The following P2RY10 variants were observed in gnomAD, a reference collection of about 807,000 sequenced individuals.
P2RY10 encodes putative P2Y purinoceptor 10.
P2RY10 carries 4 observed loss-of-function variants against 12.1 expected under a neutral mutation model. The observed-to-expected ratio is 0.33, with a 90% CI of 0.16 to 0.76. The LOEUF (loss-of-function observed/expected upper bound fraction) is 0.76. Ranked by LOEUF, P2RY10 falls within the 30% of genes least tolerant of loss-of-function variation. The pLI, the probability that P2RY10 is intolerant of heterozygous loss-of-function variation, is 0.61. For synonymous variants in P2RY10, 112 were observed against 94.1 expected (o/e 1.19, Z -1.10); for missense variants, 233 against 264.6 (o/e 0.88, Z 0.83).
At chrX:78,959,768 C>T (rs1264310507) in intron 3 of P2RY10, among the ~76,000 whole-genome samples, 1 of 111,671 alleles carries the variant, frequency 9.0e-6, no homozygotes, top group East Asian at 2.8e-4. Context: ...CAGGATTCTA[C>T]TTAGAGGTAG....
chrX:78,946,155 G>A (rs922534829), intron 1 of P2RY10, among the ~76,000 whole-genome samples: 5 of 111,492 alleles, frequency 4.5e-5, no homozygotes, highest in Non-Finnish European at 9.4e-5. Context: ...TCCTACAGCA[G>A]TTTGCATCTC....
intron 2 of P2RY10, among the ~76,000 whole-genome samples, chrX:78,948,513 C>T (rs1921952274): frequency 1.8e-5 from 2 of 111,160 alleles, no homozygotes; most frequent in Non-Finnish European, 3.8e-5. Flanking sequence ...TTTTCTGTTG[C>T]ATGGGTAAAT....
Position 78,962,945 on chromosome X carries a change from A to T in P2RY10, c.*1405A>T, listed in dbSNP as rs1922706725. ...TGTGAGCGTAATTGACAATATCTGC[A>T]TTAGAAACAGAAAGTATTATCCATC... On this transcript the variant is annotated 3_prime_UTR_variant, in exon 4 of 4. Transcript: ENST00000171757. 8.9e-6 allele frequency among the ~76,000 whole-genome samples: 1 copy of T among 112,465 alleles called. No individual in the cohort carries two copies. The highest frequency in any genetic ancestry group is 1.9e-5 in the Non-Finnish European group (1 of 53,294).
At position 78,963,697 on chromosome X, in the gene P2RY10, CA is replaced by C. The variant is rs1922746884; in HGVS notation, c.*2158del. ...TCTCTAATGTGGTGAGAGAGAAAAA[CA>C]TAAAAATATAAAAACATTCAAGCAA... is the stretch of plus-strand genomic sequence containing the variant. On this transcript the variant is annotated 3_prime_UTR_variant, in exon 4 of 4. Transcript: ENST00000171757. Among the ~76,000 whole-genome samples the C allele has an allele frequency of 8.9e-6, 1 of 111,858 alleles. No individual in the cohort carries two copies. The highest frequency in any genetic ancestry group is 3.2e-5 in the African/African-American group (1 of 30,776).
Position 78,961,115 on chromosome X carries a change from A to C in P2RY10, c.595A>C (p.Ile199Leu). The change falls in exon 4 of 4, where the codon ATT becomes CTT. Residue 199 changes from isoleucine to leucine, a missense_variant. Physicochemically the swap from Ile to Leu is conservative, Grantham distance 5. Coordinates refer to ENST00000171757, the MANE Select transcript of P2RY10 (RefSeq NM_014499.4). ...GAATGCAGTTGCGTTGGTCGGGATG[A>C]TTACAGTTGCTGAGCTTGCAGGATT... ...QMNAVALVGM[I>L]TVAELAGFVI... is the part of the protein sequence containing the mutation. 15 of 1,211,223 alleles carry C rather than the reference A, an allele frequency of 1.2e-5. No individual in the cohort carries two copies. The highest frequency in any genetic ancestry group is 1.7e-5 in the Non-Finnish European group (15 of 895,216).
rs938716879 is a variant in P2RY10, at chrX:78,963,511, A to C, written c.*1971A>C. ...ATGTCTGTGGAGAAATGGAACTGCA[A>C]TCCTCAAGAGTCACACTTCATATTC... On this transcript the variant is annotated 3_prime_UTR_variant, in exon 4 of 4. Transcript: ENST00000171757. Among the ~76,000 whole-genome samples the C allele has an allele frequency of 2.7e-5, 3 of 112,325 alleles. No individual in the cohort carries two copies. In the Admixed American group the frequency reaches 2.8e-4, roughly 11 times the overall value.
rs755833677 is a variant in P2RY10, at chrX:78,962,520, C to G, written c.*980C>G. On this transcript the variant is annotated 3_prime_UTR_variant, in exon 4 of 4. Coordinates refer to ENST00000171757, the MANE Select transcript of P2RY10 (RefSeq NM_014499.4). The stretch of plus-strand genomic sequence containing the variant: ...ATTAGCCTTCAATGATGAAGACAGA[C>G]TAAAGCTAAGCCACATGAGATCAAG... 9.0e-6 allele frequency among the ~76,000 whole-genome samples: 1 copy of G among 111,714 alleles called. No homozygotes were observed. The highest frequency in any genetic ancestry group is 3.7e-4 in the South Asian group (1 of 2,710).
At chrX:78,953,539 G>A (rs1324665185) in intron 3 of P2RY10, among the ~76,000 whole-genome samples, 1 of 112,230 alleles carries the variant, frequency 8.9e-6, no homozygotes, top group Non-Finnish European at 1.9e-5. Flanking sequence ...GCAAAACTGC[G>A]ATACCTTTTT....
intron 3 of P2RY10, among the ~76,000 whole-genome samples, chrX:78,955,489 A>C (rs928551230): frequency 1.4e-3 from 157 of 112,676 alleles, no homozygotes; most frequent in African/African-American, 4.2e-3. Context: ...TTTTGGTGGC[A>C]AGACAAGTTA....
At chrX:78,960,212 T>C (rs1193083871) in intron 3 of P2RY10, among the ~76,000 whole-genome samples, 1 of 112,351 alleles carries the variant, frequency 8.9e-6, no homozygotes, top group Non-Finnish European at 1.9e-5. Flanking sequence ...TATGCTGTTT[T>C]TGCTGTGGTC....
At chrX:78,958,811 C>A (rs369267591) in intron 3 of P2RY10, among the ~76,000 whole-genome samples, 8 of 111,267 alleles carry the variant, frequency 7.2e-5, no homozygotes, top group African/African-American at 2.6e-4. Flanking sequence ...AATAAGAGGG[C>A]AAATAGGGAG....
chrX:78,949,638 A>T (rs1922018484), intron 2 of P2RY10, among the ~76,000 whole-genome samples: 1 of 112,353 alleles, frequency 8.9e-6, no homozygotes, highest in Non-Finnish European at 1.9e-5. Flanking sequence ...TTCAAATTCA[A>T]ACTTTAAGTT....
intron 3 of P2RY10, among the ~76,000 whole-genome samples, chrX:78,954,071 C>T (rs1247888118): frequency 1.8e-5 from 2 of 110,743 alleles, no homozygotes; most frequent in East Asian, 5.6e-4. Context: ...TGAGGTTTCA[C>T]CATGTTACCG....
Position 78,960,552 on chromosome X carries a change from T to A in P2RY10, c.32T>A (p.Phe11Tyr), listed in dbSNP as rs776395714. 116 of 1,208,176 alleles carry A rather than the reference T, an allele frequency of 9.6e-5. No individual in the cohort carries two copies. In the East Asian group the frequency reaches 3.4e-3, roughly 35 times the overall value. MANLDKYTET[F>Y]KMGSNSTSTA... is the part of the protein sequence containing the mutation. ...AACCTTGACAAATACACTGAAACAT[T>A]CAAGATGGGTAGCAACAGTACCAGC... Residue 11 changes from phenylalanine (F) to tyrosine (Y), a missense_variant, in exon 4 of 4, where the codon TTC becomes TAC. Coordinates refer to ENST00000171757, the MANE Select transcript of P2RY10 (RefSeq NM_014499.4).
At chrX:78,950,391 C>T (rs1049939349) in intron 2 of P2RY10, among the ~76,000 whole-genome samples, 3 of 110,808 alleles carry the variant, frequency 2.7e-5, no homozygotes, top group South Asian at 3.8e-4. Context: ...AGGGAAAGAG[C>T]GTATCAGAGC....
intron 3 of P2RY10, among the ~76,000 whole-genome samples, chrX:78,955,940 G>A (rs953369836): frequency 4.5e-5 from 5 of 111,270 alleles, no homozygotes; most frequent in African/African-American, 1.6e-4. Context: ...AAAAGCCATG[G>A]AAAAGGAAAT....
At position 78,963,431 on chromosome X, in the gene P2RY10, C is replaced by T. The variant is rs1922731793; in HGVS notation, c.*1891C>T. Among the ~76,000 whole-genome samples the T allele has an allele frequency of 1.8e-5, 2 of 112,090 alleles. No individual in the cohort carries two copies. Among genetic ancestry groups the T allele is most frequent in the African/African-American group, 3.2e-5 (1 of 30,838 alleles). On this transcript the variant is annotated 3_prime_UTR_variant, in exon 4 of 4. Transcript: ENST00000171757. ...TTATCAGAATGACTACACAGACAGTCCTACTCTGAGGAGATGACTTTGGAA... is the reference window on the plus strand; with the variant it reads ...TTATCAGAATGACTACACAGACAGTTCTACTCTGAGGAGATGACTTTGGAA...
chrX:78,959,169 T>A (rs1010997266), intron 3 of P2RY10, among the ~76,000 whole-genome samples: 2 of 111,787 alleles, frequency 1.8e-5, no homozygotes, highest in African/African-American at 6.5e-5. Flanking sequence ...ACAGAAGGTA[T>A]GCTTGTGAAC....
chrX:78,962,758 C>T lies in P2RY10; in HGVS notation c.*1218C>T, dbSNP rs868001711. ...TATATTTTAAGGCATGATACAAGTC[C>T]TACAAACCTCATAAGTAGGTGAAAA... On this transcript the variant is annotated 3_prime_UTR_variant, in exon 4 of 4. Coordinates refer to ENST00000171757, the MANE Select transcript of P2RY10 (RefSeq NM_014499.4). Among the ~76,000 whole-genome samples the T allele has an allele frequency of 9.1e-6, 1 of 110,033 alleles. No individual in the cohort carries two copies. The highest frequency in any genetic ancestry group is 3.3e-5 in the African/African-American group (1 of 30,328).
Sources: gnomAD v4.1 joint callset for allele counts (sites outside exome capture counted in the v4.1 genomes callset) on GRCh38, gnomAD v4.1.1 for gene constraint, MANE v1.5 for transcripts, NCBI Gene and HGNC (gene_info 2026-07-23, HGNC 2026-07-21) for gene names.